MYSM1: variants seen among roughly 807,000 people sequenced by gnomAD.
MYSM1 encodes Myb like, SWIRM and MPN domains 1, also known as deubiquitinase MYSM1.
A neutral mutation model predicts 116.0 loss-of-function variants in MYSM1; 51 were observed. That is an observed-to-expected ratio of 0.44 (90% confidence interval 0.35 to 0.56). The LOEUF (loss-of-function observed/expected upper bound fraction) is 0.56, where lower values mean the gene tolerates loss of function less well. Ranked by LOEUF, MYSM1 falls within the 20% of genes least tolerant of loss-of-function variation. The pLI is 0.00. For missense variants in MYSM1, 900 were observed against 974.9 expected, an observed-to-expected ratio of 0.92 and a Z score of 1.02; for synonymous variants, 313 against 315.2, an observed-to-expected ratio of 0.99 and a Z score of 0.07.
intron 9 of MYSM1, 175 bp downstream of exon 9, chr1:58,676,751 A>T: frequency 2.0e-6 from 1 of 507,532 alleles, no homozygotes; most frequent in Non-Finnish European, 3.1e-6. Flanking sequence ...AGGTCAAATG[A>T]AAACACAGTT....
At chr1:58,666,978 T>TAA in intron 16 of MYSM1, 60 bp downstream of exon 16, 1 of 885,208 alleles carries the variant, frequency 1.1e-6, no homozygotes, top group South Asian at 2.6e-5. Flanking sequence ...TTTATCTATT[T>TAA]AAAAGGGAGC....
intron 7 of MYSM1, 32 bp downstream of exon 7, chr1:58,685,121 A>G: frequency 6.7e-7 from 1 of 1,489,288 alleles, no homozygotes; most frequent in Non-Finnish European, 9.1e-7. Context: ...AAATATTATC[A>G]TTATTAACCA....
chr1:58,663,403 CAAGTA>C (rs1161589581), intron 17 of MYSM1, among the ~76,000 whole-genome samples: 1 of 152,106 alleles, frequency 6.6e-6, no homozygotes, highest in Non-Finnish European at 1.5e-5. Context: ...CTGCCTGTCA[CAAGTA>C]AAGAAAACAT....
In MYSM1 at chr1:58,682,445, C is replaced by T; in HGVS notation, c.599G>A (p.Cys200Tyr). 6.2e-7 allele frequency: 1 copy of T among 1,614,184 alleles called. No individual in the cohort carries two copies. Among genetic ancestry groups the T allele is most frequent in the Non-Finnish European group, 8.5e-7 (1 of 1,180,034 alleles). ...DKGTKAWTPS[C>Y]LRGRADPNLN... The stretch of plus-strand genomic sequence containing the variant: ...GTTGGGATCAGCACGTCCCCTTAAA[C>T]ATGATGGTGTCCATGCCTTTGTCCC... The change falls in exon 8 of 20, where the codon TGT becomes TAT. Residue 200 changes from cysteine (C) to tyrosine (Y), a missense_variant. Transcript: ENST00000472487.
At chr1:58,669,592 C>G (rs1015582248) in intron 12 of MYSM1, among the ~76,000 whole-genome samples, 1 of 151,884 alleles carries the variant, frequency 6.6e-6, no homozygotes, top group Non-Finnish European at 1.5e-5. Flanking sequence ...TTCAGGAGGC[C>G]GAGGTGGGCA....
In MYSM1 at chr1:58,692,856, G is replaced by A; in HGVS notation, c.218+5C>T. 2 of 1,599,606 alleles carry A rather than the reference G, an allele frequency of 1.3e-6. No homozygotes were observed. Among genetic ancestry groups the A allele is most frequent in the Non-Finnish European group, 1.7e-6 (2 of 1,174,108 alleles). On this transcript the variant is annotated splice_donor_5th_base_variant and intron_variant, in intron 3 of 19. Transcript: ENST00000472487. ...TGTACTTTCCTCATAATCATTAAAG[G>A]ATACTCTTCTTCCAACAACATTTTC...
At chr1:58,683,944 GAGTAAAACTGGCACTCCA>G (rs1325681831) in intron 7 of MYSM1, among the ~76,000 whole-genome samples, 1 of 152,010 alleles carries the variant, frequency 6.6e-6, no homozygotes, top group African/African-American at 2.4e-5. Context: ...CCAGGTCTTT[GAGTAAAACTGGCACTCCA>G]AGATACATAG....
chr1:58,680,291 C>T (rs927121716), intron 8 of MYSM1, among the ~76,000 whole-genome samples: 1 of 152,120 alleles, frequency 6.6e-6, no homozygotes, highest in Non-Finnish European at 1.5e-5. Flanking sequence ...TAATCCAAGG[C>T]AGGTCCCTAA....
Position 58,695,171 on chromosome 1 carries a change from A to T in MYSM1, c.105T>A (p.Asp35Glu). 6.2e-7 allele frequency: 1 copy of T among 1,605,632 alleles called. No homozygotes were observed. ...TTCTCCAAGATGAATCAAGATAGTG[A>T]TCTTTTTGTAAAACTGATGCTGTAT... Reference protein sequence around the residue: ...GENTASVLQKDHYLDSSWRTE... With the variant: ...GENTASVLQKEHYLDSSWRTE... Residue 35 changes from aspartate to glutamate, a missense_variant, in exon 2 of 20, where the codon GAT becomes GAA. This residue lies in a region of MYSM1 where 622 missense variants were observed against 623.7 expected (regional missense o/e 1.00). Transcript: ENST00000472487.
In MYSM1 at chr1:58,669,847, A is replaced by C. The variant is rs1644530622; in HGVS notation, c.1662-809T>G. On this transcript the variant is annotated intron_variant, in intron 12 of 19. Coordinates refer to ENST00000472487, the MANE Select transcript of MYSM1 (RefSeq NM_001085487.3). ...TGAGACCCTGTCTCCAAAAAAAAAA[A>C]AAAAAAAAAAAAAAACAAAAAAGTG... 2.7e-5 allele frequency among the ~76,000 whole-genome samples: 4 copies of C among 147,748 alleles called. 1 individual carries two copies. The highest frequency in any genetic ancestry group is 9.9e-5 in the African/African-American group (4 of 40,544).
At chr1:58,667,015 G>A in intron 16 of MYSM1, 23 bp downstream of exon 16, 1 of 1,494,702 alleles carries the variant, frequency 6.7e-7, no homozygotes, top group Non-Finnish European at 9.2e-7. Context: ...ACCATTTACA[G>A]AATATAAATA....
chr1:58,698,245 C>T (rs1444181652), intron 1 of MYSM1, among the ~76,000 whole-genome samples: 11 of 149,732 alleles, frequency 7.3e-5, no homozygotes, highest in East Asian at 3.9e-4. Context: ...GGACTACAGG[C>T]GCCCACCACC....
At chr1:58,689,222 G>T in intron 5 of MYSM1, 106 bp from the exon 6 acceptor site, 1 of 786,164 alleles carries the variant, frequency 1.3e-6, no homozygotes, top group Non-Finnish European at 2.0e-6. Flanking sequence ...AATACTTTGA[G>T]TCTAGGAATT....
intron 10 of MYSM1, among the ~76,000 whole-genome samples, chr1:58,674,707 T>C (rs752736637): frequency 2.0e-5 from 3 of 151,982 alleles, no homozygotes; most frequent in Admixed American, 6.6e-5. Context: ...GGGCGGATCA[T>C]GAGGTCAGGA....
chr1:58,674,256 A>G (rs1644610183), intron 10 of MYSM1, among the ~76,000 whole-genome samples: 1 of 152,216 alleles, frequency 6.6e-6, no homozygotes, highest in African/African-American at 2.4e-5. Flanking sequence ...ACACAGCAAG[A>G]GGTATAATAT....
chr1:58,681,670 C>T, intron 8 of MYSM1, 115 bp downstream of exon 8: 1 of 1,022,972 alleles, frequency 9.8e-7, no homozygotes, highest in Non-Finnish European at 1.4e-6. Context: ...TAAATCTTCC[C>T]TACTGTAGTG....
rs1644300184 is a variant in MYSM1 at position 58,654,923 on chromosome 1, T to C, written c.*5074A>G. The C allele has an allele frequency of 6.6e-6, 1 of 152,180 alleles. No individual in the cohort carries two copies. The highest frequency in any genetic ancestry group is 6.5e-5 in the Admixed American group (1 of 15,276). The allele number at this position is 152,180 out of a possible 1,614,324, so 9.4% of individuals were successfully genotyped here. Reference sequence around the variant, plus strand: ...AAAATGCAGGTATTTACAACATTTTTAAATACAGACATATACAACATGGCA... The same window carrying C: ...AAAATGCAGGTATTTACAACATTTTCAAATACAGACATATACAACATGGCA... On this transcript the variant is annotated 3_prime_UTR_variant, in exon 20 of 20. Transcript: ENST00000472487.
Position 58,659,779 on chromosome 1 carries a change from G to A in MYSM1, c.*218C>T, listed in dbSNP as rs974395906. 4 of 369,012 alleles carry A rather than the reference G, an allele frequency of 1.1e-5. No homozygotes were observed. The highest frequency in any genetic ancestry group is 2.0e-5 in the Non-Finnish European group (4 of 204,708). The allele number at this position is 369,012 out of a possible 1,614,324, so 22.9% of individuals were successfully genotyped here. A position where few individuals can be genotyped will look rare whatever the true frequency, so the allele number is the denominator to read the frequency against. On this transcript the variant is annotated 3_prime_UTR_variant, in exon 20 of 20. Transcript: ENST00000472487. The stretch of plus-strand genomic sequence containing the variant: ...TTGCTCAGTAAAGGACTAGAACACC[G>A]TGGTGGACCCTGGTTTGCAGAACAC...
intron 3 of MYSM1, among the ~76,000 whole-genome samples, chr1:58,691,153 G>A (rs12755615): frequency 5.3e-5 from 8 of 151,906 alleles, no homozygotes; most frequent in South Asian, 4.2e-4. Flanking sequence ...GGTGGCGGGC[G>A]CCTGTAGTCC....
Sources: allele counts gnomAD v4.1 joint callset (sites outside exome capture counted in the v4.1 genomes callset), GRCh38; gene constraint gnomAD v4.1.1; regional missense constraint gnomAD v4.1.1; transcripts MANE v1.5; gene names NCBI Gene and HGNC (gene_info 2026-07-23, HGNC 2026-07-21).